DENND2A: variants seen among roughly 807,000 people sequenced by gnomAD.
DENND2A encodes the protein DENN domain containing 2A, also known as DENN domain-containing protein 2A.
A neutral mutation model predicts 105.3 loss-of-function variants in DENND2A; 53 were observed. The observed-to-expected ratio is 0.50, with a 90% confidence interval of 0.40 to 0.63. The LOEUF (loss-of-function observed/expected upper bound fraction) is 0.63. Ranked by LOEUF, DENND2A falls within the 30% of genes least tolerant of loss-of-function variation. The pLI, the probability that DENND2A is intolerant of heterozygous loss-of-function variation, is 0.00. For synonymous variants in DENND2A, 522 were observed against 508.4 expected (o/e 1.03, Z -0.36); for missense variants, 1,138 against 1,279.6 (o/e 0.89, Z 1.69).
intron 13 of DENND2A, among the ~76,000 whole-genome samples, chr7:140,546,459 C>A (rs1324021928): frequency 6.6e-6 from 1 of 152,124 alleles, no homozygotes; most frequent in Non-Finnish European, 1.5e-5. Flanking sequence ...GTGATACAGA[C>A]TTGAAATGTA....
At chr7:140,584,961 G>A (rs1405849021) in intron 5 of DENND2A, among the ~76,000 whole-genome samples, 1 of 152,186 alleles carries the variant, frequency 6.6e-6, no homozygotes, top group East Asian at 1.9e-4. Context: ...CACTTTGGGA[G>A]GCCAAGGCAG....
At chr7:140,541,177 T>G (rs1422134101) in intron 14 of DENND2A, among the ~76,000 whole-genome samples, 1 of 152,152 alleles carries the variant, frequency 6.6e-6, no homozygotes, top group Non-Finnish European at 1.5e-5. Flanking sequence ...TCTCCTTAAT[T>G]TTTAGAGACA....
intron 1 of DENND2A, among the ~76,000 whole-genome samples, chr7:140,622,099 T>C (rs1800314811): frequency 6.6e-6 from 1 of 152,136 alleles, no homozygotes; most frequent in Non-Finnish European, 1.5e-5. Context: ...TAATGACCTT[T>C]AAATTTTTAA....
At chr7:140,534,098 TTTTTG>T (rs1358993721) in intron 14 of DENND2A, among the ~76,000 whole-genome samples, 7 of 141,232 alleles carry the variant, frequency 5.0e-5, no homozygotes, top group South Asian at 2.3e-4. Context: ...TTTTTTTTTT[TTTTTG>T]AGATGGAGTC....
In DENND2A at chr7:140,544,724, C is replaced by T. The variant is rs374987769; in HGVS notation, c.2221G>A (p.Val741Met). 19 of 1,606,206 alleles carry T rather than the reference C, an allele frequency of 1.2e-5. No homozygotes were observed. In the Middle Eastern group the frequency reaches 4.9e-4, roughly 42 times the overall value. Residue 741 changes from valine to methionine, a missense_variant, in exon 14 of 20, where the codon GTG becomes ATG. Val to Met is a conservative substitution (Grantham distance 21, BLOSUM62 1). Around this residue, in one of 2 missense-constraint regions of DENND2A, gnomAD observed 627 missense variants for 779.8 expected, o/e 0.80. Coordinates refer to ENST00000496613, the MANE Select transcript of DENND2A (RefSeq NM_015689.5). ...CRPLDSRLEHVDFESLFSSLS... is the reference protein window; with the variant it reads ...CRPLDSRLEHMDFESLFSSLS... ...GAGGAGAAGAGAGACTCAAAGTCCA[C>T]GTGCTCGAGCCGGGAGTCCAGCGGG... is the stretch of plus-strand genomic sequence containing the variant.
intron 1 of DENND2A, among the ~76,000 whole-genome samples, chr7:140,634,507 A>G (rs1800848229): frequency 1.3e-5 from 2 of 152,354 alleles, no homozygotes; most frequent in African/African-American, 4.8e-5. Context: ...ACTGTGGCAC[A>G]TGCATAGAGG....
intron 6 of DENND2A, among the ~76,000 whole-genome samples, chr7:140,570,177 G>T (rs1022682534): frequency 6.6e-5 from 10 of 152,118 alleles, no homozygotes; most frequent in African/African-American, 2.4e-4. Flanking sequence ...TTACAGGCGC[G>T]AGCCACCGCA....
intron 15 of DENND2A, 62 bp from the exon 16 acceptor site, chr7:140,525,854 C>A: frequency 7.1e-7 from 1 of 1,406,138 alleles, no homozygotes; most frequent in East Asian, 2.5e-5. Flanking sequence ...GGGATGGACT[C>A]ATAGCCTTCT....
chr7:140,563,499 T>C (rs1797711981), intron 9 of DENND2A, among the ~76,000 whole-genome samples: 1 of 151,666 alleles, frequency 6.6e-6, no homozygotes, highest in Non-Finnish European at 1.5e-5. Context: ...ATAGGGGCTG[T>C]GCCTTGATTC....
At chr7:140,619,416 T>A (rs184869197) in intron 1 of DENND2A, among the ~76,000 whole-genome samples, 75 of 152,262 alleles carry the variant, frequency 4.9e-4, no homozygotes, top group Non-Finnish European at 9.0e-4. Context: ...CAGGTTTGCA[T>A]TTCTTTCCAG....
chr7:140,567,296 AAGAGAGAAAGAGAG>A lies in DENND2A; in HGVS notation c.1592-37_1592-24del, dbSNP rs762497550. 7.2e-3 allele frequency: 5,968 copies of A among 829,848 alleles called. 139 individuals are homozygous for A. Among genetic ancestry groups the A allele is most frequent in the African/African-American group, 0.014 (617 of 45,630 alleles). The allele number at this position is 829,848 out of a possible 1,614,324, so 51.4% of individuals were successfully genotyped here. A position where few individuals can be genotyped will look rare whatever the true frequency, so the allele number is the denominator to read the frequency against. ...GAGCTGGGTGAGGGAGGGAGAGAGA[AAGAGAGAAAGAGAG>A]AGAGAGAGAGAGAGAGAGAGAGAGA... On this transcript the variant is annotated intron_variant, in intron 8 of 19. Coordinates refer to ENST00000496613, the MANE Select transcript of DENND2A (RefSeq NM_015689.5).
At chr7:140,548,621 A>ATT (rs552050748) in intron 12 of DENND2A, among the ~76,000 whole-genome samples, 2,889 of 150,132 alleles carry the variant, frequency 0.019, 92 homozygotes, top group African/African-American at 0.067. Flanking sequence ...TTTATTTTTT[A>ATT]TTTTTTTTTG....
At chr7:140,609,644 A>C (rs1799822585) in intron 1 of DENND2A, among the ~76,000 whole-genome samples, 1 of 152,224 alleles carries the variant, frequency 6.6e-6, no homozygotes, top group Admixed American at 6.5e-5. Flanking sequence ...AAGTTTCAGA[A>C]ACTAAGTCCT....
chr7:140,518,680 G>A lies in DENND2A; in HGVS notation c.*27C>T, dbSNP rs760360375. ...TTTTTAAAGCATAGGGCTGCACTAGGAGGAAGTTTTCCCTTGAGGCTGAGA... is the reference window on the plus strand; with the variant it reads ...TTTTTAAAGCATAGGGCTGCACTAGAAGGAAGTTTTCCCTTGAGGCTGAGA... On this transcript the variant is annotated 3_prime_UTR_variant, in exon 20 of 20. Coordinates refer to ENST00000496613, the MANE Select transcript of DENND2A (RefSeq NM_015689.5). 2 of 1,610,726 alleles carry A rather than the reference G, an allele frequency of 1.2e-6. No individual in the cohort carries two copies. The highest frequency in any genetic ancestry group is 1.3e-5 in the African/African-American group (1 of 74,976).
At chr7:140,547,720 A>G (rs1049999395) in intron 12 of DENND2A, among the ~76,000 whole-genome samples, 7 of 152,256 alleles carry the variant, frequency 4.6e-5, no homozygotes, top group Admixed American at 1.3e-4. Flanking sequence ...AATAGCCACA[A>G]CACAGAAGAA....
intron 3 of DENND2A, among the ~76,000 whole-genome samples, chr7:140,592,428 G>A (rs911415984): frequency 2.6e-5 from 4 of 151,720 alleles, no homozygotes; most frequent in African/African-American, 7.3e-5. Context: ...AGCCAGGATG[G>A]TTTTGATCTC....
intron 12 of DENND2A, among the ~76,000 whole-genome samples, chr7:140,554,705 C>T (rs1797287058): frequency 6.6e-6 from 1 of 152,146 alleles, no homozygotes; most frequent in Non-Finnish European, 1.5e-5. Context: ...TTGGATTATA[C>T]CTAGCTTTTG....
rs1423050235 is a variant in DENND2A, at chr7:140,527,067, T to C, written c.2505+251A>G. ...TTTTGACATCTGGCTAAATTGTTCA[T>C]TGCTGACCTTCTCAAGAGGTGCTCA... is the stretch of plus-strand genomic sequence containing the variant. On this transcript the variant is annotated intron_variant, in intron 15 of 19. Transcript: ENST00000496613. The surrounding 1 kb of genome is among the most constrained non-coding windows in gnomAD (Gnocchi z 4.9). Among the ~76,000 whole-genome samples the C allele has an allele frequency of 6.6e-6, 1 of 152,188 alleles. No individual in the cohort carries two copies. The highest frequency in any genetic ancestry group is 1.5e-5 in the Non-Finnish European group (1 of 68,042).
chr7:140,544,806 C>G, intron 13 of DENND2A, 40 bp from the exon 14 acceptor site: 1 of 1,552,140 alleles, frequency 6.4e-7, no homozygotes, highest in South Asian at 1.2e-5. Context: ...AGGGGCCCAG[C>G]TACGCAGCCA....
Sources: gnomAD v4.1 joint callset for allele counts (sites outside exome capture counted in the v4.1 genomes callset) on GRCh38, gnomAD v4.1.1 for gene constraint, gnomAD v4.1.1 regional missense constraint, Gnocchi (gnomAD v3.1) non-coding constraint, MANE v1.5 for transcripts, NCBI Gene and HGNC (gene_info 2026-07-23, HGNC 2026-07-21) for gene names.